Variants in DCDC1 observed in about 807,000 individuals in gnomAD.
DCDC1 encodes the protein doublecortin domain-containing protein 1.
DCDC1 carries 200 observed loss-of-function variants against 178.3 expected under a neutral mutation model. The ratio of observed to expected loss-of-function variants is 1.12; its 90% CI spans 1.00 to 1.26. The LOEUF is 1.26. Among genes scored for constraint, DCDC1 ranks in the 50% most tolerant of loss-of-function variants. The probability of loss-of-function intolerance (pLI) is 0.00; values close to 1 mark genes in which losing one functional copy is unlikely to be tolerated. For synonymous variants in DCDC1, 690 were observed against 604.8 expected, an observed-to-expected ratio of 1.14 and a Z score of -2.07; for missense variants, 1,983 against 1,749.2, an observed-to-expected ratio of 1.13 and a Z score of -2.38.
intron 20 of DCDC1, among the ~76,000 whole-genome samples, chr11:31,054,062 A>G (rs1485616694): frequency 6.6e-6 from 1 of 151,988 alleles, no homozygotes; most frequent in African/African-American, 2.4e-5. Context: ...TGATTGTTTT[A>G]CCTTGAAAAC....
chr11:31,147,352 T>C (rs1964559119), intron 9 of DCDC1, among the ~76,000 whole-genome samples: 1 of 152,158 alleles, frequency 6.6e-6, no homozygotes, highest in South Asian at 2.1e-4. Flanking sequence ...AAGGTTTTTC[T>C]TGAGAGAAAA....
At chr11:31,325,239 G>T (rs79877339) in intron 3 of DCDC1, among the ~76,000 whole-genome samples, 3,112 of 152,160 alleles carry the variant, frequency 0.02, 93 homozygotes, top group African/African-American at 0.07. Context: ...ACTATGCCTG[G>T]ATACCTGTTA....
At chr11:31,358,524 A>C (rs1325727525) in intron 1 of DCDC1, among the ~76,000 whole-genome samples, 1 of 151,746 alleles carries the variant, frequency 6.6e-6, no homozygotes, top group African/African-American at 2.4e-5. Context: ...GGACATAGGC[A>C]TGGGCAAGGA....
At chr11:31,228,383 G>T (rs773112419) in intron 9 of DCDC1, among the ~76,000 whole-genome samples, 1 of 152,050 alleles carries the variant, frequency 6.6e-6, no homozygotes, top group East Asian at 1.9e-4. Context: ...TGAAAACAGC[G>T]TACTGAAATT....
At chr11:31,213,619 C>T (rs184133002) in intron 9 of DCDC1, among the ~76,000 whole-genome samples, 13 of 151,594 alleles carry the variant, frequency 8.6e-5, no homozygotes, top group Non-Finnish European at 1.5e-4. Context: ...ATTCAGGAGG[C>T]TGAGGCAGGA....
In DCDC1 at chr11:31,328,138, T is replaced by C. The variant is rs1355427253; in HGVS notation, c.143A>G (p.Tyr48Cys). The change falls in exon 3 of 39, where the codon TAT (tyrosine) becomes TGT (cysteine). Residue 48 changes from tyrosine (Y) to cysteine (C), a missense_variant. Physicochemically the swap from Tyr to Cys is radical, Grantham distance 194. Coordinates refer to ENST00000684477, the MANE Select transcript of DCDC1 (RefSeq NM_001387274.1). ...TTACCTTGGTAAATCATTCAAAATA[T>C]ATTTGTAAATTGGGTTTACAGTATT... ...DGNTVNPIYK[Y>C]ILNDLPREFM... The C allele has an allele frequency of 1.2e-6, 2 of 1,606,306 alleles. No individual in the cohort carries two copies. Among genetic ancestry groups the C allele is most frequent in the African/African-American group, 1.3e-5 (1 of 74,748 alleles).
chr11:30,958,450 A>G (rs1413099947), intron 20 of DCDC1, among the ~76,000 whole-genome samples: 1 of 152,162 alleles, frequency 6.6e-6, no homozygotes, highest in Non-Finnish European at 1.5e-5. Flanking sequence ...GATGTGCAAT[A>G]GTGAACCACA....
At chr11:31,288,876 A>G (rs1947024155) in intron 7 of DCDC1, among the ~76,000 whole-genome samples, 1 of 151,796 alleles carries the variant, frequency 6.6e-6, no homozygotes, top group Non-Finnish European at 1.5e-5. Flanking sequence ...TCCCTTCTAA[A>G]AAGTTCTTAT....
intron 9 of DCDC1, among the ~76,000 whole-genome samples, chr11:31,197,194 T>G (rs1970792845): frequency 6.6e-6 from 1 of 152,102 alleles, no homozygotes; most frequent in Non-Finnish European, 1.5e-5. Context: ...TTCAAAAATA[T>G]CTTTGTTTCA....
intron 1 of DCDC1, among the ~76,000 whole-genome samples, chr11:31,364,452 T>A (rs1046997835): frequency 2.6e-5 from 4 of 152,198 alleles, no homozygotes; most frequent in Non-Finnish European, 4.4e-5. Flanking sequence ...ATATTTTTAA[T>A]AGGCTCATGG....
At chr11:31,313,608 A>G (rs1404857076) in intron 3 of DCDC1, among the ~76,000 whole-genome samples, 1 of 152,184 alleles carries the variant, frequency 6.6e-6, no homozygotes, top group Admixed American at 6.5e-5. Flanking sequence ...ATCTACACAG[A>G]TATCTTTTCT....
At chr11:30,946,633 G>A (rs533909420) in intron 21 of DCDC1, among the ~76,000 whole-genome samples, 10 of 152,124 alleles carry the variant, frequency 6.6e-5, no homozygotes, top group Non-Finnish European at 1.3e-4. Context: ...CAGTGAGAAA[G>A]CACAGGGGAT....
chr11:31,259,752 A>G (rs778630801), intron 8 of DCDC1, among the ~76,000 whole-genome samples: 8 of 152,202 alleles, frequency 5.3e-5, no homozygotes, highest in Non-Finnish European at 1.0e-4. Context: ...CTTCCCAAGA[A>G]GTTAGGTCAC....
chr11:31,218,822 G>A (rs1016400248), intron 9 of DCDC1, among the ~76,000 whole-genome samples: 6 of 151,982 alleles, frequency 3.9e-5, no homozygotes, highest in African/African-American at 1.4e-4. Context: ...TATTAGTTGT[G>A]TACCAAAACT....
Position 31,016,672 on chromosome 11 carries a change from A to G in DCDC1, c.2591+47797T>C, listed in dbSNP as rs1033606833. ...GGTGGAATAGCACCTGCAAAGGCCT[A>G]TAGGCTTGAAACACCAAGGCATGTG... On this transcript the variant is annotated intron_variant, in intron 20 of 38. Coordinates refer to ENST00000684477, the MANE Select transcript of DCDC1 (RefSeq NM_001387274.1). 3.3e-5 allele frequency among the ~76,000 whole-genome samples: 5 copies of G among 152,330 alleles called. No individual in the cohort carries two copies. In the South Asian group the frequency reaches 1.0e-3, roughly 32 times the overall value.
chr11:30,971,831 G>A (rs1478725678), intron 20 of DCDC1, among the ~76,000 whole-genome samples: 1 of 151,878 alleles, frequency 6.6e-6, no homozygotes, highest in Non-Finnish European at 1.5e-5. Context: ...CGATGGTCTC[G>A]ATCTCCTGAC....
chr11:30,877,423 C>T (rs1338370399), intron 38 of DCDC1, among the ~76,000 whole-genome samples: 1 of 152,168 alleles, frequency 6.6e-6, no homozygotes, highest in African/African-American at 2.4e-5. Context: ...TTTGTAACTG[C>T]TATTTTTTTA....
At chr11:31,175,973 T>C (rs1967959435) in intron 9 of DCDC1, among the ~76,000 whole-genome samples, 1 of 152,088 alleles carries the variant, frequency 6.6e-6, no homozygotes, top group African/African-American at 2.4e-5. Flanking sequence ...GATATCAATG[T>C]AGGGACACAA....
At chr11:31,161,626 T>C (rs1185976917) in intron 9 of DCDC1, among the ~76,000 whole-genome samples, 1 of 152,132 alleles carries the variant, frequency 6.6e-6, no homozygotes, top group Non-Finnish European at 1.5e-5. Context: ...TAGAAACGGC[T>C]CTTCCATCCC....
Sources: allele counts gnomAD v4.1 joint callset (sites outside exome capture counted in the v4.1 genomes callset), GRCh38; gene constraint gnomAD v4.1.1; transcripts MANE v1.5; gene names NCBI Gene and HGNC (gene_info 2026-07-23, HGNC 2026-07-21).